Variants in GPD1L observed in about 807,000 individuals in gnomAD.
GPD1L encodes glycerol-3-phosphate dehydrogenase 1 like.
GPD1L carries 17 observed loss-of-function variants against 32.9 expected under a neutral mutation model. The ratio of observed to expected loss-of-function variants is 0.52; its 90% CI spans 0.35 to 0.78. The LOEUF is 0.78. GPD1L is among the 30% of genes least tolerant of loss of function. The probability of loss-of-function intolerance (pLI) is 0.01; values close to 1 mark genes in which losing one functional copy is unlikely to be tolerated. For synonymous variants in GPD1L, 187 were observed against 165.9 expected, an observed-to-expected ratio of 1.13 and a Z score of -0.98; for missense variants, 361 against 447.8, an observed-to-expected ratio of 0.81 and a Z score of 1.75.
intron 2 of GPD1L, among the ~76,000 whole-genome samples, chr3:32,132,984 G>A (rs1352784280): frequency 6.6e-6 from 1 of 152,200 alleles, no homozygotes; most frequent in Non-Finnish European, 1.5e-5. Context: ...CTGCAAGTGA[G>A]ATGAAGAGAC....
intron 5 of GPD1L, among the ~76,000 whole-genome samples, chr3:32,156,419 A>C (rs549717960): frequency 6.6e-6 from 1 of 152,196 alleles, no homozygotes; most frequent in Non-Finnish European, 1.5e-5. Flanking sequence ...GTTGACTGCA[A>C]TGAGAGGCAT....
In GPD1L at chr3:32,130,842, A is replaced by T. The variant is rs77608911; in HGVS notation, c.225+2589A>T. 0.025 allele frequency among the ~76,000 whole-genome samples: 3,725 copies of T among 152,020 alleles called. 302 individuals carry two copies. The East Asian group carries it at 0.26, about 11-fold the overall frequency. ...ACCCTGGCCAACATGGCAAAACCTCATCTCTACTAAAAAAAGAAAAATTAG... is the reference window on the plus strand; with the variant it reads ...ACCCTGGCCAACATGGCAAAACCTCTTCTCTACTAAAAAAAGAAAAATTAG... On this transcript the variant is annotated intron_variant, in intron 2 of 7. Transcript: ENST00000282541.
chr3:32,115,015 C>T (rs547651149), intron 1 of GPD1L, among the ~76,000 whole-genome samples: 8 of 152,162 alleles, frequency 5.3e-5, no homozygotes, highest in South Asian at 2.1e-4. Flanking sequence ...TTGTGAAGAG[C>T]GAAAGAACAA....
At chr3:32,162,380 C>A (rs1701084645) in intron 7 of GPD1L, among the ~76,000 whole-genome samples, 1 of 108,938 alleles carries the variant, frequency 9.2e-6, no homozygotes, top group African/African-American at 4.7e-5. Context: ...CCTTAATTAC[C>A]TTTTCTTTTT....
In GPD1L at chr3:32,146,654, A is replaced by G; in HGVS notation, c.538A>G (p.Lys180Glu). The change falls in exon 5 of 8, where the codon AAA (lysine) becomes GAA (glutamate). Residue 180 changes from lysine to glutamate, a missense_variant. Lys to Glu is a moderately conservative substitution (Grantham distance 56, BLOSUM62 1). Coordinates refer to ENST00000282541, the MANE Select transcript of GPD1L (RefSeq NM_015141.4). ...SKVMENGLLF[K>E]ELLQTPNFRI... ...AGTAATGGAGAACGGCCTTCTCTTC[A>G]AAGAACTTCTGCAGACTCCAAATTT... The G allele has an allele frequency of 6.2e-7, 1 of 1,613,346 alleles. No individual in the cohort carries two copies. Among genetic ancestry groups the G allele is most frequent in the Non-Finnish European group, 8.5e-7 (1 of 1,179,268 alleles).
At chr3:32,130,186 G>A (rs906098122) in intron 2 of GPD1L, among the ~76,000 whole-genome samples, 1 of 152,042 alleles carries the variant, frequency 6.6e-6, no homozygotes, top group African/African-American at 2.4e-5. Flanking sequence ...GAGAGAGCCT[G>A]CCCCCCACTT....
intron 1 of GPD1L, among the ~76,000 whole-genome samples, chr3:32,123,791 A>AAGATAGACAGAT (rs1553657794): frequency 1.6e-5 from 2 of 126,890 alleles, no homozygotes; most frequent in Admixed American, 1.6e-4. Flanking sequence ...CAGGAATTGA[A>AAGATAGACAGAT]AGATAGATAG....
chr3:32,120,315 T>A (rs1307313460), intron 1 of GPD1L, among the ~76,000 whole-genome samples: 2 of 151,756 alleles, frequency 1.3e-5, no homozygotes, highest in African/African-American at 4.8e-5. Context: ...AGACTCTGTC[T>A]CAAAAAAAAC....
At chr3:32,120,686 A>G (rs2125473274) in intron 1 of GPD1L, among the ~76,000 whole-genome samples, 1 of 152,350 alleles carries the variant, frequency 6.6e-6, no homozygotes, top group Non-Finnish European at 1.5e-5. Flanking sequence ...GAGGAAGTCA[A>G]GAACAGTGGG....
rs369964098 is a variant in GPD1L at position 32,154,724 on chromosome 3, A to AT, written c.619-4146dup. On this transcript the variant is annotated intron_variant, in intron 5 of 7. Coordinates refer to ENST00000282541, the MANE Select transcript of GPD1L (RefSeq NM_015141.4). The stretch of plus-strand genomic sequence containing the variant: ...CAGTTCAGTAAGGTTTGCTGTTGCT[A>AT]TTTTTTATTACCTTTTCTTCTCCTA... Among the ~76,000 whole-genome samples, 51 of 149,388 alleles carry AT rather than the reference A, an allele frequency of 3.4e-4. 1 individual carries two copies. In the South Asian group the frequency reaches 5.6e-3, roughly 16 times the overall value.
At chr3:32,119,353 A>G (rs1192646734) in intron 1 of GPD1L, among the ~76,000 whole-genome samples, 1 of 152,200 alleles carries the variant, frequency 6.6e-6, no homozygotes, top group African/African-American at 2.4e-5. Context: ...CACACTTGCA[A>G]TCATATGGTA....
At chr3:32,164,372 C>T (rs1336154759) in intron 7 of GPD1L, among the ~76,000 whole-genome samples, 1 of 152,208 alleles carries the variant, frequency 6.6e-6, no homozygotes, top group Non-Finnish European at 1.5e-5. Context: ...CTGCCCCTTG[C>T]CGTGCATGGT....
chr3:32,149,920 G>C (rs1331079348), intron 5 of GPD1L, among the ~76,000 whole-genome samples: 2 of 149,576 alleles, frequency 1.3e-5, no homozygotes, highest in African/African-American at 2.5e-5. Context: ...CTGCACTCCA[G>C]CCTGGGCGAC....
At chr3:32,116,440 T>C (rs1700334538) in intron 1 of GPD1L, among the ~76,000 whole-genome samples, 1 of 152,196 alleles carries the variant, frequency 6.6e-6, no homozygotes, top group Non-Finnish European at 1.5e-5. Context: ...ATGATTCTGA[T>C]CCTCACAACC....
At chr3:32,119,313 T>G (rs1700375082) in intron 1 of GPD1L, among the ~76,000 whole-genome samples, 1 of 152,242 alleles carries the variant, frequency 6.6e-6, no homozygotes, top group Non-Finnish European at 1.5e-5. Flanking sequence ...GCCATCTAAG[T>G]GGATCTGAGG....
Position 32,154,784 on chromosome 3 carries a change from G to A in GPD1L, c.619-4092G>A, listed in dbSNP as rs1015618037. 7.3e-5 allele frequency among the ~76,000 whole-genome samples: 11 copies of A among 150,340 alleles called. No individual in the cohort carries two copies. In the East Asian group the frequency reaches 2.2e-3, roughly 30 times the overall value. On this transcript the variant is annotated intron_variant, in intron 5 of 7. Coordinates refer to ENST00000282541, the MANE Select transcript of GPD1L (RefSeq NM_015141.4). Reference sequence around the variant, plus strand: ...TTTTTTTTTGAGACAGGCTCACTCTGTCACCCAGGCTGGAGTGCAGTGGCA... The same window carrying A: ...TTTTTTTTTGAGACAGGCTCACTCTATCACCCAGGCTGGAGTGCAGTGGCA...
chr3:32,152,580 C>A (rs1025331271), intron 5 of GPD1L, among the ~76,000 whole-genome samples: 1 of 152,122 alleles, frequency 6.6e-6, no homozygotes, highest in Non-Finnish European at 1.5e-5. Context: ...GAGCCACTCC[C>A]GGAGTCTTTT....
At chr3:32,159,439 T>C (rs1164375580) in intron 6 of GPD1L, 129 bp from the exon 7 acceptor site, 1 of 696,632 alleles carries the variant, frequency 1.4e-6, no homozygotes, top group Admixed American at 2.8e-5. Context: ...GAGGCCAGCC[T>C]GCACAGCATA....
At chr3:32,140,473 T>A in intron 4 of GPD1L, 107 bp downstream of exon 4, 1 of 1,309,308 alleles carries the variant, frequency 7.6e-7, no homozygotes, top group Non-Finnish European at 1.1e-6. Context: ...CTGTCCCTCT[T>A]AACATTCCTT....
Sources: gnomAD v4.1 joint callset for allele counts (sites outside exome capture counted in the v4.1 genomes callset) on GRCh38, gnomAD v4.1.1 for gene constraint, MANE v1.5 for transcripts, NCBI Gene and HGNC (gene_info 2026-07-23, HGNC 2026-07-21) for gene names.